ZDHHC14: variants seen among roughly 807,000 people sequenced by gnomAD.
ZDHHC14 encodes the protein palmitoyltransferase ZDHHC14.
In ZDHHC14, 16 loss-of-function variants were observed where a neutral mutation model predicts 47.7. The ratio of observed to expected loss-of-function variants is 0.34; its 90% CI spans 0.23 to 0.51. The LOEUF (loss-of-function observed/expected upper bound fraction) is 0.51. Among genes scored for constraint, ZDHHC14 ranks in the 20% least tolerant of loss-of-function variants. ZDHHC14 has a pLI of 0.97. For missense variants in ZDHHC14, 515 were observed against 662.5 expected, an observed-to-expected ratio of 0.78 and a Z score of 2.44; for synonymous variants, 293 against 278.9, an observed-to-expected ratio of 1.05 and a Z score of -0.50.
chr6:157,570,063 G>T lies in ZDHHC14; in HGVS notation c.407-22925G>T, dbSNP rs535745704. ...TTAAAGTATAGTGTACTTATAAATA[G>T]CATCCCCTGCTTCTGTACTGGTAAT... On this transcript the variant is annotated intron_variant, in intron 2 of 8. Coordinates refer to ENST00000359775, the MANE Select transcript of ZDHHC14 (RefSeq NM_024630.3). 2.0e-5 allele frequency among the ~76,000 whole-genome samples: 3 copies of T among 152,278 alleles called. No individual in the cohort carries two copies. The South Asian group carries it at 6.2e-4, about 32-fold the overall frequency.
chr6:157,445,594 G>C (rs747979646), intron 1 of ZDHHC14, among the ~76,000 whole-genome samples: 5 of 152,206 alleles, frequency 3.3e-5, no homozygotes, highest in Non-Finnish European at 7.3e-5. Flanking sequence ...TGAGCGGAGA[G>C]TTCTTTTAAG....
intron 3 of ZDHHC14, among the ~76,000 whole-genome samples, chr6:157,598,805 A>G (rs1582998567): frequency 6.6e-6 from 1 of 152,350 alleles, no homozygotes; most frequent in African/African-American, 2.4e-5. Flanking sequence ...TACAAAGTGT[A>G]CTTACCATGT....
chr6:157,452,904 C>T (rs903776482), intron 1 of ZDHHC14, among the ~76,000 whole-genome samples: 5 of 151,896 alleles, frequency 3.3e-5, no homozygotes, highest in African/African-American at 4.8e-5. Context: ...AGGGTTTCAC[C>T]GTGTTGGTCA....
intron 1 of ZDHHC14, among the ~76,000 whole-genome samples, chr6:157,412,903 G>A (rs554809385): frequency 9.8e-5 from 15 of 152,304 alleles, no homozygotes; most frequent in Admixed American, 3.9e-4. Flanking sequence ...TGTGGGATCC[G>A]TATTTTTTGG....
At chr6:157,611,488 G>T (rs998990211) in intron 3 of ZDHHC14, among the ~76,000 whole-genome samples, 1 of 152,150 alleles carries the variant, frequency 6.6e-6, no homozygotes, top group Admixed American at 6.5e-5. Context: ...CAATAGGAAA[G>T]CTTCAACAAC....
intron 8 of ZDHHC14, among the ~76,000 whole-genome samples, chr6:157,661,968 A>G (rs537157894): frequency 7.5e-4 from 114 of 152,010 alleles, no homozygotes; most frequent in Non-Finnish European, 1.4e-3. Flanking sequence ...GACTGCAGGC[A>G]TGCACCACCA....
chr6:157,542,265 G>A (rs1191945714), intron 1 of ZDHHC14, among the ~76,000 whole-genome samples: 4 of 152,170 alleles, frequency 2.6e-5, no homozygotes, highest in East Asian at 3.9e-4. Flanking sequence ...CAGAGGACAC[G>A]TGTCTATTTA....
intron 1 of ZDHHC14, among the ~76,000 whole-genome samples, chr6:157,445,951 T>G (rs1778658870): frequency 6.6e-6 from 1 of 152,228 alleles, no homozygotes; most frequent in Admixed American, 6.5e-5. Flanking sequence ...TTGGACTCGC[T>G]ACATGGTGCT....
chr6:157,515,052 T>C (rs1409834076), intron 1 of ZDHHC14, among the ~76,000 whole-genome samples: 1 of 152,158 alleles, frequency 6.6e-6, no homozygotes, highest in Admixed American at 6.5e-5. Flanking sequence ...GAATATTCCT[T>C]TCCAGTTTTC....
chr6:157,551,766 T>A (rs1782245058), intron 2 of ZDHHC14, among the ~76,000 whole-genome samples: 1 of 152,242 alleles, frequency 6.6e-6, no homozygotes, highest in Non-Finnish European at 1.5e-5. Flanking sequence ...TCCTCTACTT[T>A]GAGCGTTCTG....
intron 7 of ZDHHC14, among the ~76,000 whole-genome samples, chr6:157,653,267 G>A (rs1777923448): frequency 6.6e-6 from 1 of 152,216 alleles, no homozygotes; most frequent in Non-Finnish European, 1.5e-5. Context: ...GTAGACAAGA[G>A]GGAGATGCTG....
At chr6:157,417,045 G>A (rs1250624145) in intron 1 of ZDHHC14, among the ~76,000 whole-genome samples, 2 of 134,588 alleles carry the variant, frequency 1.5e-5, no homozygotes, top group Non-Finnish European at 3.0e-5. Flanking sequence ...GGCCAGGCTG[G>A]TCTCGAACTC....
chr6:157,654,754 G>A (rs1364960780), intron 8 of ZDHHC14, among the ~76,000 whole-genome samples: 1 of 147,098 alleles, frequency 6.8e-6, no homozygotes, highest in Admixed American at 6.7e-5. Context: ...TTTTTTTTTG[G>A]AGACAGAGTC....
chr6:157,410,071 T>A (rs1301177194), intron 1 of ZDHHC14, among the ~76,000 whole-genome samples: 1 of 152,148 alleles, frequency 6.6e-6, no homozygotes, highest in Non-Finnish European at 1.5e-5. Flanking sequence ...CCTCAAGTGA[T>A]CTGCCCGCGC....
chr6:157,674,553 C>CT lies in ZDHHC14; in HGVS notation c.*1432dup, dbSNP rs1438357494. On this transcript the variant is annotated 3_prime_UTR_variant, in exon 9 of 9. Coordinates refer to ENST00000359775, the MANE Select transcript of ZDHHC14 (RefSeq NM_024630.3). ...CCTGGCTTCTTTCCAGACCATAAATCTAACAGCTAAAGCTACTCAAGTTCA... is the reference window on the plus strand; with the variant it reads ...CCTGGCTTCTTTCCAGACCATAAATCTTAACAGCTAAAGCTACTCAAGTTCA... The CT allele has an allele frequency of 2.6e-5, 4 of 152,350 alleles. No individual in the cohort carries two copies. The highest frequency in any genetic ancestry group is 9.6e-5 in the African/African-American group (4 of 41,564). The allele number at this position is 152,350 out of a possible 1,614,324, so 9.4% of individuals were successfully genotyped here. A position where few individuals can be genotyped will look rare whatever the true frequency, so the allele number is the denominator to read the frequency against.
chr6:157,579,121 T>C lies in ZDHHC14; in HGVS notation c.407-13867T>C, dbSNP rs147162723. Among the ~76,000 whole-genome samples the C allele has an allele frequency of 2.4e-3, 365 of 152,000 alleles. 2 individuals are homozygous for C. The highest frequency in any genetic ancestry group is 8.5e-3 in the African/African-American group (352 of 41,468). On this transcript the variant is annotated intron_variant, in intron 2 of 8. Transcript: ENST00000359775. ...TTTGTGAAGAATGTCATTGGTACTT[T>C]GATAGAAATAGTGTTGAATCTGTAA...
Position 157,673,358 on chromosome 6 carries a change from A to G in ZDHHC14, c.*236A>G. 3.6e-6 allele frequency: 2 copies of G among 562,738 alleles called. No homozygotes were observed. Among genetic ancestry groups the G allele is most frequent in the South Asian group, 5.4e-5 (2 of 37,122 alleles). The allele number at this position is 562,738 out of a possible 1,614,324, so 34.9% of individuals were successfully genotyped here. On this transcript the variant is annotated 3_prime_UTR_variant, in exon 9 of 9. Transcript: ENST00000359775. The surrounding 1 kb of genome is among the most constrained non-coding windows in gnomAD (Gnocchi z 5.4). The stretch of plus-strand genomic sequence containing the variant: ...TGAGTGCTTTGACAACAATGGAAAT[A>G]GAGAAGTGGCTGCTTTCTTTTGGTG...
chr6:157,528,800 G>C (rs1037101492), intron 1 of ZDHHC14, among the ~76,000 whole-genome samples: 10 of 128,848 alleles, frequency 7.8e-5, no homozygotes, highest in African/African-American at 2.5e-4. Flanking sequence ...GGGTGAGAGT[G>C]GGCATTAATT....
chr6:157,612,786 T>G (rs1229462619), intron 3 of ZDHHC14, among the ~76,000 whole-genome samples: 1 of 151,842 alleles, frequency 6.6e-6, no homozygotes, highest in Non-Finnish European at 1.5e-5. Flanking sequence ...AAAGAGAATT[T>G]GATGCTCCTC....
Sources: gnomAD v4.1 joint callset for allele counts (sites outside exome capture counted in the v4.1 genomes callset) on GRCh38, gnomAD v4.1.1 for gene constraint, Gnocchi (gnomAD v3.1) non-coding constraint, MANE v1.5 for transcripts, NCBI Gene and HGNC (gene_info 2026-07-23, HGNC 2026-07-21) for gene names.